NRXN3: variants seen among roughly 807,000 people sequenced by gnomAD.
NRXN3 encodes the protein neurexin 3, also known as neurexin III.
Under a neutral mutation model 137.6 loss-of-function variants are expected in NRXN3, and 32 were observed. The ratio of observed to expected loss-of-function variants is 0.23; its 90% confidence interval spans 0.18 to 0.31. The LOEUF is 0.31. NRXN3 is among the 10% of genes least tolerant of loss of function. The pLI, the probability that NRXN3 is intolerant of heterozygous loss-of-function variation, is 1.00. For missense variants in NRXN3, 1,574 were observed against 2,062.5 expected (o/e 0.76, Z 4.59); for synonymous variants, 798 against 784.5 (o/e 1.02, Z -0.29).
intron 8 of NRXN3, among the ~76,000 whole-genome samples, chr14:78,721,364 G>A (rs1339748378): frequency 1.3e-5 from 2 of 152,110 alleles, no homozygotes; most frequent in Non-Finnish European, 2.9e-5. Context: ...TGGATCCTCT[G>A]ACCTTTCTTT....
chr14:78,778,588 C>G (rs2098752224), intron 8 of NRXN3, among the ~76,000 whole-genome samples: 1 of 151,934 alleles, frequency 6.6e-6, no homozygotes, highest in Non-Finnish European at 1.5e-5. Context: ...TCTTAAAAAA[C>G]TATTTTACCA....
chr14:78,285,390 C>A (rs977923575), intron 3 of NRXN3, among the ~76,000 whole-genome samples: 1 of 152,084 alleles, frequency 6.6e-6, no homozygotes, highest in Admixed American at 6.5e-5. Flanking sequence ...TATTACATGC[C>A]TCATTTAATG....
chr14:79,813,302 A>G (rs547738957), intron 20 of NRXN3, among the ~76,000 whole-genome samples: 23 of 152,324 alleles, frequency 1.5e-4, no homozygotes, highest in African/African-American at 4.6e-4. Flanking sequence ...AGAAAAAATT[A>G]TACAGATATA....
At chr14:78,395,271 G>A (rs936062400) in intron 4 of NRXN3, among the ~76,000 whole-genome samples, 2 of 151,356 alleles carry the variant, frequency 1.3e-5, no homozygotes, top group African/African-American at 4.8e-5. Flanking sequence ...AGCACTATTT[G>A]GTTTTCTTGA....
intron 4 of NRXN3, among the ~76,000 whole-genome samples, chr14:78,644,140 A>G (rs577689773): frequency 6.6e-6 from 1 of 151,778 alleles, no homozygotes; most frequent in Admixed American, 6.6e-5. Flanking sequence ...ACTCAGAAAA[A>G]AAAAAAAAAA....
intron 15 of NRXN3, among the ~76,000 whole-genome samples, chr14:79,333,632 GT>G (rs1416260037): frequency 6.6e-6 from 1 of 152,128 alleles, no homozygotes; most frequent in Non-Finnish European, 1.5e-5. Flanking sequence ...GAGATGGAGA[GT>G]TATGCTCATT....
At chr14:79,852,487 T>C (rs1014412489) in intron 20 of NRXN3, among the ~76,000 whole-genome samples, 3 of 152,130 alleles carry the variant, frequency 2.0e-5, no homozygotes, top group Admixed American at 2.0e-4. Context: ...TTAACATTCC[T>C]ACAATTGAAG....
At chr14:78,890,247 A>G (rs554401645) in intron 10 of NRXN3, among the ~76,000 whole-genome samples, 15 of 152,160 alleles carry the variant, frequency 9.9e-5, no homozygotes, top group African/African-American at 3.6e-4. Flanking sequence ...CATGAATTAT[A>G]CAAGAGCATC....
intron 15 of NRXN3, among the ~76,000 whole-genome samples, chr14:79,410,945 G>A (rs1251303077): frequency 6.6e-6 from 1 of 152,000 alleles, no homozygotes; most frequent in African/African-American, 2.4e-5. Context: ...GTTTTGGGGG[G>A]GAAGATGTAG....
intron 8 of NRXN3, 65 bp downstream of exon 8, chr14:78,715,204 C>A: frequency 6.4e-7 from 1 of 1,555,918 alleles, no homozygotes. Context: ...AGTTGGATCC[C>A]TGGGCAGCCC....
chr14:79,055,708 C>T (rs915765253), intron 15 of NRXN3, among the ~76,000 whole-genome samples: 2 of 152,038 alleles, frequency 1.3e-5, no homozygotes, highest in African/African-American at 4.8e-5. Context: ...GATCATCATA[C>T]CTAGCCAAGA....
At chr14:78,774,161 G>A (rs2098737786) in intron 8 of NRXN3, among the ~76,000 whole-genome samples, 1 of 152,080 alleles carries the variant, frequency 6.6e-6, no homozygotes, top group South Asian at 2.1e-4. Context: ...ATGTTTCCCA[G>A]AAATATGGAA....
At chr14:79,822,181 G>C (rs1281813173) in intron 20 of NRXN3, among the ~76,000 whole-genome samples, 1 of 152,176 alleles carries the variant, frequency 6.6e-6, no homozygotes, top group Non-Finnish European at 1.5e-5. Flanking sequence ...ATGCTCTAGT[G>C]ATGTGTTCTC....
chr14:79,429,251 G>A (rs1365506320), intron 15 of NRXN3, among the ~76,000 whole-genome samples: 1 of 152,078 alleles, frequency 6.6e-6, no homozygotes, highest in African/African-American at 2.4e-5. Context: ...AGACAAATGG[G>A]TCCAATCCTT....
In NRXN3 at chr14:79,016,243, G is replaced by A. The variant is rs183863728; in HGVS notation, c.3262+28102G>A. ...AAGGTTCACTTTTTATTGTACACCT[G>A]GGCCATCCTTTTCTACACTTCTGGC... On this transcript the variant is annotated intron_variant, in intron 15 of 20. Coordinates refer to ENST00000335750, the MANE Select transcript of NRXN3 (RefSeq NM_001330195.2). Among the ~76,000 whole-genome samples the A allele has an allele frequency of 7.0e-4, 105 of 149,248 alleles. 1 individual carries two copies. Among genetic ancestry groups the A allele is most frequent in the Admixed American group, 1.9e-3 (29 of 15,098 alleles).
intron 15 of NRXN3, among the ~76,000 whole-genome samples, chr14:79,308,627 G>C (rs1488205089): frequency 6.6e-6 from 1 of 151,980 alleles, no homozygotes; most frequent in Non-Finnish European, 1.5e-5. Context: ...CCCTTTTCCT[G>C]GCTGCCCTGT....
chr14:78,798,588 T>C (rs764794431), intron 8 of NRXN3, among the ~76,000 whole-genome samples: 8 of 152,174 alleles, frequency 5.3e-5, no homozygotes, highest in Non-Finnish European at 8.8e-5. Context: ...TTCTCACGGC[T>C]CCACTAGGCA....
intron 4 of NRXN3, among the ~76,000 whole-genome samples, chr14:78,414,250 G>A (rs986539218): frequency 1.6e-4 from 25 of 151,928 alleles, no homozygotes; most frequent in Admixed American, 1.0e-3. Context: ...AGGAGGTAGC[G>A]AAGTGTGTAA....
At chr14:78,432,633 G>A (rs2093929776) in intron 4 of NRXN3, among the ~76,000 whole-genome samples, 1 of 152,222 alleles carries the variant, frequency 6.6e-6, no homozygotes, top group Admixed American at 6.5e-5. Flanking sequence ...GTTCAGTAAA[G>A]CTGCCTTGCC....
Sources: allele counts gnomAD v4.1 joint callset (sites outside exome capture counted in the v4.1 genomes callset), GRCh38; gene constraint gnomAD v4.1.1; transcripts MANE v1.5; gene names NCBI Gene and HGNC (gene_info 2026-07-23, HGNC 2026-07-21).